The following ASCC2 variants were observed in gnomAD, a reference collection of about 807,000 sequenced individuals.
ASCC2 encodes ASC-1 complex subunit P100.
In ASCC2, 42 loss-of-function variants were observed where a neutral mutation model predicts 93.5. The ratio of observed to expected loss-of-function variants is 0.45; its 90% CI spans 0.35 to 0.58. The LOEUF is 0.58. Ranked by LOEUF, ASCC2 falls within the 20% of genes least tolerant of loss-of-function variation. ASCC2 has a pLI of 0.00. For synonymous variants in ASCC2, 364 were observed against 384.2 expected (o/e 0.95, Z 0.62); for missense variants, 859 against 977.6 (o/e 0.88, Z 1.62).
At chr22:29,837,671 T>TTAAA (rs1349613827) in intron 1 of ASCC2, among the ~76,000 whole-genome samples, 2 of 152,156 alleles carry the variant, frequency 1.3e-5, no homozygotes, top group African/African-American at 4.8e-5. Flanking sequence ...AGTCTCTCAA[T>TTAAA]TAAATACTAC....
chr22:29,798,792 G>A (rs927158885), intron 15 of ASCC2, among the ~76,000 whole-genome samples: 4 of 152,206 alleles, frequency 2.6e-5, no homozygotes, highest in Non-Finnish European at 5.9e-5. Context: ...GGCAAGGCCG[G>A]GTATCCAGCT....
chr22:29,820,001 A>AG (rs958513990), intron 5 of ASCC2, among the ~76,000 whole-genome samples: 4 of 152,080 alleles, frequency 2.6e-5, no homozygotes, highest in African/African-American at 9.7e-5. Flanking sequence ...CTGAGACTAC[A>AG]GGGGCATGCC....
chr22:29,810,511 A>G (rs1298460437), intron 8 of ASCC2, among the ~76,000 whole-genome samples: 1 of 152,186 alleles, frequency 6.6e-6, no homozygotes, highest in Non-Finnish European at 1.5e-5. Context: ...AGTCCAGAAA[A>G]ATGACAGAGA....
Position 29,788,999 on chromosome 22 carries a change from C to A in ASCC2, c.*14G>T. On this transcript the variant is annotated 3_prime_UTR_variant, in exon 20 of 20. Coordinates refer to ENST00000307790, the MANE Select transcript of ASCC2 (RefSeq NM_032204.5). ...TCTGGTGCCGCTGCCTCCCCACTGG[C>A]CCTGCACCAGGTCTCAGGATGGGAT... 2 of 1,614,120 alleles carry A rather than the reference C, an allele frequency of 1.2e-6. No homozygotes were observed. Among genetic ancestry groups the A allele is most frequent in the Non-Finnish European group, 8.5e-7 (1 of 1,179,966 alleles).
chr22:29,828,095 A>T (rs2062684897), intron 2 of ASCC2, among the ~76,000 whole-genome samples: 1 of 152,238 alleles, frequency 6.6e-6, no homozygotes, highest in South Asian at 2.1e-4. Flanking sequence ...GACTGTGGAA[A>T]TGCAGAAGGG....
intron 1 of ASCC2, among the ~76,000 whole-genome samples, chr22:29,835,830 C>T (rs2063713176): frequency 6.6e-6 from 1 of 152,154 alleles, no homozygotes; most frequent in South Asian, 2.1e-4. Flanking sequence ...AGGCATATAA[C>T]TGACTATGAT....
At chr22:29,837,267 GA>G (rs34319037) in intron 1 of ASCC2, among the ~76,000 whole-genome samples, 98,605 of 143,842 alleles carry the variant, frequency 0.69, 33,898 homozygotes, top group East Asian at 0.89. Context: ...CGTCTCTACC[GA>G]AAAAAAAAAA....
rs1253876528 is a variant in ASCC2 at position 29,797,146 on chromosome 22, T to C, written c.1689-3470A>G. 2.0e-5 allele frequency among the ~76,000 whole-genome samples: 3 copies of C among 152,154 alleles called. No individual in the cohort carries two copies. In the East Asian group the frequency reaches 5.8e-4, roughly 29 times the overall value. On this transcript the variant is annotated intron_variant, in intron 15 of 19. Transcript: ENST00000307790. ...AGGACCAAAGCCAGCTGGGAAAAGA[T>C]GCATCAGAGGCCAGAACTTCAGTCA...
At chr22:29,814,535 G>A in intron 7 of ASCC2, 122 bp downstream of exon 7, 1 of 677,734 alleles carries the variant, frequency 1.5e-6, no homozygotes, top group South Asian at 2.3e-5. Flanking sequence ...TGGAGGAAGG[G>A]GCCCTGGGCA....
intron 15 of ASCC2, among the ~76,000 whole-genome samples, chr22:29,793,975 T>G (rs902936876): frequency 1.1e-4 from 16 of 151,424 alleles, no homozygotes; most frequent in Non-Finnish European, 2.2e-4. Flanking sequence ...CTCGGCTCAC[T>G]GCAACCTCCA....
intron 11 of ASCC2, 74 bp downstream of exon 11, chr22:29,806,411 G>T: frequency 6.4e-7 from 1 of 1,572,852 alleles, no homozygotes; most frequent in South Asian, 1.1e-5. Flanking sequence ...GGCCTATAGC[G>T]GGGGTCTATC....
intron 1 of ASCC2, 167 bp from the exon 2 acceptor site, chr22:29,832,509 G>A: frequency 1.9e-6 from 1 of 525,378 alleles, no homozygotes; most frequent in Non-Finnish European, 3.4e-6. Flanking sequence ...CCCAGCCAAA[G>A]TGACTTTTTT....
chr22:29,832,445 C>T (rs1176420182), intron 1 of ASCC2, 103 bp from the exon 2 acceptor site: 3 of 899,744 alleles, frequency 3.3e-6, no homozygotes, highest in Non-Finnish European at 5.1e-6. Flanking sequence ...GCTTCAACCT[C>T]TCGCCTTAGG....
intron 1 of ASCC2, among the ~76,000 whole-genome samples, chr22:29,836,166 T>C (rs1271105568): frequency 6.6e-6 from 1 of 151,760 alleles, no homozygotes; most frequent in Non-Finnish European, 1.5e-5. Flanking sequence ...CTAAAAAGTG[T>C]GGCTTTGAAG....
chr22:29,827,290 C>T (rs1484092501), intron 2 of ASCC2, among the ~76,000 whole-genome samples: 2 of 152,006 alleles, frequency 1.3e-5, no homozygotes, highest in Non-Finnish European at 2.9e-5. Flanking sequence ...TCAGTTTTCT[C>T]CTCTGACTAC....
At position 29,825,579 on chromosome 22, in the gene ASCC2, T is replaced by G. The variant is rs371276043; in HGVS notation, c.240+43A>C. On this transcript the variant is annotated intron_variant, in intron 3 of 19. Coordinates refer to ENST00000307790, the MANE Select transcript of ASCC2 (RefSeq NM_032204.5). This position sits in a 1 kb window ranked among gnomAD's most constrained non-coding sequence, Gnocchi z 4.9. ...CAACAACAGCAACCAACCAATGGCA[T>G]GTCATGTGCTTTGTCTTAGCGTTAA... The G allele has an allele frequency of 6.8e-6, 11 of 1,613,236 alleles. No homozygotes were observed. Among genetic ancestry groups the G allele is most frequent in the Admixed American group, 3.3e-5 (2 of 60,006 alleles).
At chr22:29,789,304 T>A (rs1053568641) in intron 19 of ASCC2, 120 bp from the exon 20 acceptor site, 5 of 1,194,442 alleles carry the variant, frequency 4.2e-6, no homozygotes, top group African/African-American at 1.5e-5. Flanking sequence ...TGGTCACTCA[T>A]GTCCCAACTT....
At chr22:29,791,801 G>A (rs2057780424) in intron 18 of ASCC2, among the ~76,000 whole-genome samples, 1 of 152,150 alleles carries the variant, frequency 6.6e-6, no homozygotes, top group East Asian at 1.9e-4. Flanking sequence ...CTCTGAGTCT[G>A]TGCTTGCACC....
rs1224487690 is a variant in ASCC2 at position 29,793,634 on chromosome 22, C to T, written c.1731G>A (p.Lys577=). The stretch of plus-strand genomic sequence containing the variant: ...GCTGCCGCTGTGCCGCCACTGCACG[C>T]TTGTCGTTCAGCAAACTCCGCGTGT... ...EENTRSLLND[K]RAVAAQRQRY... Residue 577 remains lysine (K), a synonymous_variant, in exon 16 of 20, where the codon AAG becomes AAA. Coordinates refer to ENST00000307790, the MANE Select transcript of ASCC2 (RefSeq NM_032204.5). 1.9e-6 allele frequency: 3 copies of T among 1,600,866 alleles called. No individual in the cohort carries two copies. Among genetic ancestry groups the T allele is most frequent in the Non-Finnish European group, 2.6e-6 (3 of 1,174,344 alleles).
Sources: gnomAD v4.1 joint callset for allele counts (sites outside exome capture counted in the v4.1 genomes callset) on GRCh38, gnomAD v4.1.1 for gene constraint, Gnocchi (gnomAD v3.1) non-coding constraint, MANE v1.5 for transcripts, NCBI Gene and HGNC (gene_info 2026-07-23, HGNC 2026-07-21) for gene names.